PCDHGA1: variants seen among roughly 807,000 people sequenced by gnomAD.
The protein encoded by PCDHGA1 is protocadherin gamma subfamily A, 1.
PCDHGA1 carries 32 observed loss-of-function variants against 58.0 expected under a neutral mutation model. That is an observed-to-expected ratio of 0.55 (90% CI 0.42 to 0.74). The LOEUF (loss-of-function observed/expected upper bound fraction) is 0.74, where lower values mean the gene tolerates loss of function less well. Among genes scored for constraint, PCDHGA1 ranks in the 30% least tolerant of loss-of-function variants. The pLI is 0.00. For synonymous variants in PCDHGA1, 498 were observed against 501.1 expected (o/e 0.99, Z 0.08); for missense variants, 1,205 against 1,182.3 (o/e 1.02, Z -0.28).
chr5:141,332,382 C>T lies in PCDHGA1; in HGVS notation c.1698C>T (p.Ala566=). 1 of 1,614,216 alleles carries T rather than the reference C, an allele frequency of 6.2e-7. No individual in the cohort carries two copies. Among genetic ancestry groups the T allele is most frequent in the Non-Finnish European group, 8.5e-7 (1 of 1,180,040 alleles). Residue 566 remains alanine, a synonymous_variant, in exon 1 of 4, where the codon GCC becomes GCT. Transcript: ENST00000517417. This position sits in a 1 kb window ranked among gnomAD's most constrained non-coding sequence, Gnocchi z 4.6. ...NDNAPEILYP[A]LPTDGSTGVE... ...ACGCGCCCGAGATCCTGTACCCCGC[C>T]CTCCCCACAGATGGTTCTACCGGCG...
At chr5:141,447,011 C>T (rs1213312322) in intron 1 of PCDHGA1, among the ~76,000 whole-genome samples, 1 of 143,918 alleles carries the variant, frequency 6.9e-6, no homozygotes. Flanking sequence ...TCCTAGTGTT[C>T]AGTTTTGTTT....
rs1461617825 is a variant in PCDHGA1, at chr5:141,431,902, G to A, written c.2422-62905G>A. On this transcript the variant is annotated intron_variant, in intron 1 of 3. Coordinates refer to ENST00000517417, the MANE Select transcript of PCDHGA1 (RefSeq NM_018912.3). This position sits in a 1 kb window ranked among gnomAD's most constrained non-coding sequence, Gnocchi z 4.8. ...ACCAAGATTCTGAGGAAAACGGACA[G>A]GTGATCTGTTTCATCCAAGGAAATC... 1.2e-6 allele frequency: 2 copies of A among 1,613,764 alleles called. No homozygotes were observed. The highest frequency in any genetic ancestry group is 1.3e-5 in the African/African-American group (1 of 74,918).
intron 1 of PCDHGA1, chr5:141,340,418 G>A (rs1289323808): frequency 1.2e-6 from 2 of 1,614,160 alleles, no homozygotes; most frequent in Non-Finnish European, 1.7e-6. Flanking sequence ...CGACAGCAAC[G>A]ACAATGCTCA....
chr5:141,482,891 G>A (rs1594277958), intron 1 of PCDHGA1, among the ~76,000 whole-genome samples: 2 of 152,168 alleles, frequency 1.3e-5, no homozygotes, highest in East Asian at 3.8e-4. Flanking sequence ...GGCCAACATG[G>A]TGAAACCTCA....
At chr5:141,435,497 C>T (rs1234443531) in intron 1 of PCDHGA1, among the ~76,000 whole-genome samples, 1 of 152,154 alleles carries the variant, frequency 6.6e-6, no homozygotes, top group African/African-American at 2.4e-5. Context: ...ATTTCCTACA[C>T]TAATGATACT....
chr5:141,370,747 A>T (rs780618979), intron 1 of PCDHGA1: 2 of 1,613,952 alleles, frequency 1.2e-6, no homozygotes, highest in Non-Finnish European at 1.7e-6. Flanking sequence ...AACTTTTTTC[A>T]TGTAACTGTG....
chr5:141,375,470 G>A (rs1771485342), intron 1 of PCDHGA1: 1 of 1,613,784 alleles, frequency 6.2e-7, no homozygotes, highest in Admixed American at 1.7e-5. Flanking sequence ...CTATGTCCTT[G>A]AAAACAACCC....
chr5:141,502,955 T>C (rs2099817293), intron 2 of PCDHGA1, among the ~76,000 whole-genome samples: 1 of 149,868 alleles, frequency 6.7e-6, no homozygotes, highest in Non-Finnish European at 1.5e-5. Context: ...GCGATTCTCC[T>C]GCCTCAGCCT....
chr5:141,382,825 G>C, intron 1 of PCDHGA1: 1 of 1,337,416 alleles, frequency 7.5e-7, no homozygotes, highest in Non-Finnish European at 1.0e-6. Flanking sequence ...CTAAGACAGA[G>C]GGGTCCACCC....
intron 1 of PCDHGA1, chr5:141,421,632 G>A (rs2096589368): frequency 6.2e-7 from 1 of 1,613,846 alleles, no homozygotes; most frequent in South Asian, 1.1e-5. Context: ...CCAGCTTCCA[G>A]GAGGACGAAG....
rs2099883775 is a variant in PCDHGA1 at position 141,511,415 on chromosome 5, A to G, written c.*242A>G. On this transcript the variant is annotated 3_prime_UTR_variant, in exon 4 of 4. Transcript: ENST00000517417. ...CCCCATCCAATCAACTGCTGTACCC[A>G]TGGGGGTAGTGGGGTTACTGTAGAC... 1.2e-6 allele frequency: 1 copy of G among 868,992 alleles called. No individual in the cohort carries two copies. The highest frequency in any genetic ancestry group is 2.9e-5 in the East Asian group (1 of 34,592). The allele number at this position is 868,992 out of a possible 1,614,324, so 53.8% of individuals were successfully genotyped here.
At chr5:141,376,066 C>G in intron 1 of PCDHGA1, 1 of 1,613,396 alleles carries the variant, frequency 6.2e-7, no homozygotes, top group Non-Finnish European at 8.5e-7. Context: ...TCACGCTCAC[C>G]GTGGCCGTGG....
intron 1 of PCDHGA1, among the ~76,000 whole-genome samples, chr5:141,457,293 T>A (rs2098916185): frequency 6.6e-6 from 1 of 152,226 alleles, no homozygotes; most frequent in Admixed American, 6.5e-5. Context: ...TTCCTTGGTT[T>A]TATTTTCCCA....
At chr5:141,481,999 C>T (rs958678555) in intron 1 of PCDHGA1, among the ~76,000 whole-genome samples, 7 of 149,942 alleles carry the variant, frequency 4.7e-5, no homozygotes, top group Admixed American at 2.0e-4. Flanking sequence ...GCAGGAGAAT[C>T]GCTTTATCTC....
intron 1 of PCDHGA1, among the ~76,000 whole-genome samples, chr5:141,336,861 A>T (rs6896823): frequency 0.99 from 150,732 of 152,312 alleles, 74,591 homozygotes; most frequent in East Asian, 1. Context: ...GCCCACAGAA[A>T]GAGAGAAAAT....
intron 1 of PCDHGA1, chr5:141,389,604 G>C: frequency 6.2e-7 from 1 of 1,613,156 alleles, no homozygotes; most frequent in Non-Finnish European, 8.5e-7. Flanking sequence ...TGCGCTCTTC[G>C]ATATGGTGCC....
chr5:141,355,737 C>T, intron 1 of PCDHGA1: 1 of 1,613,966 alleles, frequency 6.2e-7, no homozygotes, highest in Non-Finnish European at 8.5e-7. Flanking sequence ...GTTACTTTTC[C>T]CTGGACGTGC....
intron 1 of PCDHGA1, among the ~76,000 whole-genome samples, chr5:141,352,959 G>C (rs1759153169): frequency 6.6e-6 from 1 of 152,182 alleles, no homozygotes; most frequent in Non-Finnish European, 1.5e-5. Context: ...CTGCACTCCA[G>C]CCTGGGTGAT....
chr5:141,400,092 G>T, intron 1 of PCDHGA1: 1 of 1,614,060 alleles, frequency 6.2e-7, no homozygotes, highest in Non-Finnish European at 8.5e-7. Context: ...CCACCGCCAC[G>T]CTGCACTTGG....
Sources: gnomAD v4.1 joint callset for allele counts (sites outside exome capture counted in the v4.1 genomes callset) on GRCh38, gnomAD v4.1.1 for gene constraint, Gnocchi (gnomAD v3.1) non-coding constraint, MANE v1.5 for transcripts, NCBI Gene and HGNC (gene_info 2026-07-23, HGNC 2026-07-21) for gene names.